Variants in PBX1 observed in about 807,000 individuals in gnomAD.
The protein encoded by PBX1 is PBX homeobox 1, also known as pre-B-cell leukemia transcription factor 1.
In PBX1, 6 loss-of-function variants were observed where a neutral mutation model predicts 53.4. The observed-to-expected ratio is 0.11, with a 90% CI of 0.06 to 0.22. The LOEUF (loss-of-function observed/expected upper bound fraction) is 0.22, where lower values mean the gene tolerates loss of function less well. PBX1 is among the 10% of genes least tolerant of loss of function. PBX1 has a pLI of 1.00. For missense variants in PBX1, 251 were observed against 551.4 expected (o/e 0.46, Z 5.46); for synonymous variants, 204 against 212.3 (o/e 0.96, Z 0.34).
At chr1:164,675,139 A>T (rs978254922) in intron 2 of PBX1, among the ~76,000 whole-genome samples, 12 of 152,036 alleles carry the variant, frequency 7.9e-5, no homozygotes, top group African/African-American at 2.7e-4. Context: ...TGAGGTCTTT[A>T]ATTATTGGTC....
At chr1:164,666,774 AG>A (rs1159175835) in intron 2 of PBX1, among the ~76,000 whole-genome samples, 1 of 152,216 alleles carries the variant, frequency 6.6e-6, no homozygotes, top group Admixed American at 6.5e-5. Context: ...ATTTGCCTAA[AG>A]GAAAAAAAGT....
rs549948712 is a variant in PBX1 at position 164,579,756 on chromosome 1, A to G, written c.265+16445A>G. On this transcript the variant is annotated intron_variant, in intron 2 of 8. Coordinates refer to ENST00000420696, the MANE Select transcript of PBX1 (RefSeq NM_002585.4). ...GGTGGATCATCCTGGAATGAAACTG[A>G]ACAGAGAATGTCGGCAGAAGTGATG... 1.1e-4 allele frequency among the ~76,000 whole-genome samples: 16 copies of G among 152,310 alleles called. No individual in the cohort carries two copies. The South Asian group carries it at 3.3e-3, about 32-fold the overall frequency.
intron 2 of PBX1, among the ~76,000 whole-genome samples, chr1:164,761,202 C>T (rs1162377939): frequency 6.6e-6 from 1 of 152,142 alleles, no homozygotes; most frequent in Non-Finnish European, 1.5e-5. Context: ...GATTTTTCCT[C>T]ACAGTAAGAT....
intron 5 of PBX1, among the ~76,000 whole-genome samples, chr1:164,810,290 A>C (rs1445513009): frequency 6.6e-6 from 1 of 152,200 alleles, no homozygotes; most frequent in Non-Finnish European, 1.5e-5. Context: ...TTAGGCCCTT[A>C]GTCCATGACT....
At chr1:164,730,030 C>T (rs1221286392) in intron 2 of PBX1, among the ~76,000 whole-genome samples, 3 of 152,144 alleles carry the variant, frequency 2.0e-5, no homozygotes, top group Non-Finnish European at 2.9e-5. Context: ...AGCTGGTAAA[C>T]AGCAGAGCCA....
intron 2 of PBX1, among the ~76,000 whole-genome samples, chr1:164,724,490 A>C (rs916245900): frequency 6.6e-6 from 1 of 152,136 alleles, no homozygotes; most frequent in Non-Finnish European, 1.5e-5. Context: ...AATCACAAAA[A>C]AATCTTATAA....
At chr1:164,630,347 A>T (rs1658332551) in intron 2 of PBX1, among the ~76,000 whole-genome samples, 1 of 152,168 alleles carries the variant, frequency 6.6e-6, no homozygotes, top group East Asian at 1.9e-4. Context: ...TAGGAGACAG[A>T]TAATGCTCTG....
chr1:164,646,549 T>A (rs1457010506), intron 2 of PBX1, among the ~76,000 whole-genome samples: 1 of 152,170 alleles, frequency 6.6e-6, no homozygotes, highest in African/African-American at 2.4e-5. Context: ...CCCTTACTTC[T>A]AATTGTGCTC....
chr1:164,580,482 G>T (rs1654533889), intron 2 of PBX1, among the ~76,000 whole-genome samples: 2 of 151,806 alleles, frequency 1.3e-5, no homozygotes, highest in South Asian at 4.1e-4. Flanking sequence ...GTTTCACCAT[G>T]TTGGCCAGGC....
intron 2 of PBX1, among the ~76,000 whole-genome samples, chr1:164,629,199 G>T (rs1658244602): frequency 6.6e-6 from 1 of 152,028 alleles, no homozygotes. Flanking sequence ...TCCAAGGAAT[G>T]GAAAGAAGCT....
intron 2 of PBX1, among the ~76,000 whole-genome samples, chr1:164,776,036 T>C (rs913430322): frequency 2.8e-4 from 43 of 152,310 alleles, no homozygotes; most frequent in Middle Eastern, 3.4e-3. Flanking sequence ...TCTATGACAC[T>C]ATCATTTCCT....
chr1:164,681,722 G>T (rs1661782537), intron 2 of PBX1, among the ~76,000 whole-genome samples: 2 of 152,100 alleles, frequency 1.3e-5, no homozygotes, highest in Admixed American at 1.3e-4. Context: ...CTACCTATGA[G>T]GTACTATGCT....
intron 2 of PBX1, among the ~76,000 whole-genome samples, chr1:164,637,550 G>T (rs775530553): frequency 2.6e-5 from 4 of 152,158 alleles, no homozygotes; most frequent in Non-Finnish European, 2.9e-5. Flanking sequence ...AGGGAGTCCT[G>T]TTATTCAGTA....
intron 2 of PBX1, among the ~76,000 whole-genome samples, chr1:164,754,430 A>G (rs1316603001): frequency 6.6e-6 from 1 of 152,174 alleles, no homozygotes; most frequent in Non-Finnish European, 1.5e-5. Context: ...ATCTTCCTAA[A>G]TGTGACAGAA....
chr1:164,787,165 G>C (rs1668240522), intron 2 of PBX1, among the ~76,000 whole-genome samples: 1 of 152,144 alleles, frequency 6.6e-6, no homozygotes, highest in Non-Finnish European at 1.5e-5. Context: ...ATGGAGGTTT[G>C]TGCCTACAAA....
intron 8 of PBX1, among the ~76,000 whole-genome samples, chr1:164,825,345 C>T (rs10494424): frequency 0.29 from 43,506 of 152,036 alleles, 7,678 homozygotes; most frequent in African/African-American, 0.5. Flanking sequence ...ACTGTACATA[C>T]ATGCGCAGAA....
intron 2 of PBX1, among the ~76,000 whole-genome samples, chr1:164,731,714 C>G (rs1160945171): frequency 6.6e-6 from 1 of 152,192 alleles, no homozygotes; most frequent in Non-Finnish European, 1.5e-5. Flanking sequence ...TAATTTACTG[C>G]GACTTGGCTA....
chr1:164,563,484 A>G (rs879705840), intron 2 of PBX1, among the ~76,000 whole-genome samples, 173 bp downstream of exon 2: 4 of 152,084 alleles, frequency 2.6e-5, no homozygotes, highest in Non-Finnish European at 5.9e-5. Flanking sequence ...AAAAGAATCA[A>G]GTTTCTTTGA....
rs78408677 is a variant in PBX1 at position 164,624,125 on chromosome 1, G to T, written c.265+60814G>T. ...AACCACAGGGCTAACTGTATCTGAAGAATTATTTACTGATGTTTTTTAAGC... is the reference window on the plus strand; with the variant it reads ...AACCACAGGGCTAACTGTATCTGAATAATTATTTACTGATGTTTTTTAAGC... On this transcript the variant is annotated intron_variant, in intron 2 of 8. Coordinates refer to ENST00000420696, the MANE Select transcript of PBX1 (RefSeq NM_002585.4). Among the ~76,000 whole-genome samples the T allele has an allele frequency of 2.0e-4, 31 of 152,282 alleles. 1 individual carries two copies. The East Asian group carries it at 5.8e-3, about 28-fold the overall frequency.
Sources: gnomAD v4.1 joint callset for allele counts (sites outside exome capture counted in the v4.1 genomes callset) on GRCh38, gnomAD v4.1.1 for gene constraint, MANE v1.5 for transcripts, NCBI Gene and HGNC (gene_info 2026-07-23, HGNC 2026-07-21) for gene names.